Variants in MEI4 observed in about 807,000 individuals in gnomAD.
MEI4 encodes meiosis-specific protein MEI4.
A neutral mutation model predicts 31.4 loss-of-function variants in MEI4; 27 were observed. The observed-to-expected ratio is 0.86, with a 90% CI of 0.63 to 1.19. The LOEUF (loss-of-function observed/expected upper bound fraction) is 1.19, where lower values mean the gene tolerates loss of function less well. MEI4 is among the 50% of genes most tolerant of loss of function. The pLI, the probability that MEI4 is intolerant of heterozygous loss-of-function variation, is 0.00. For synonymous variants in MEI4, 122 were observed against 145.4 expected, an observed-to-expected ratio of 0.84 and a Z score of 1.16; for missense variants, 329 against 398.9, an observed-to-expected ratio of 0.82 and a Z score of 1.49.
intron 2 of MEI4, among the ~76,000 whole-genome samples, chr6:77,709,839 T>C (rs1365443408): frequency 6.6e-6 from 1 of 152,258 alleles, no homozygotes; most frequent in East Asian, 1.9e-4. Flanking sequence ...AAGTTACTTC[T>C]ACCTGTGTAT....
At chr6:77,891,191 C>T (rs1291088434) in intron 4 of MEI4, among the ~76,000 whole-genome samples, 1 of 152,162 alleles carries the variant, frequency 6.6e-6, no homozygotes, top group African/African-American at 2.4e-5. Context: ...TCTTGCAAGA[C>T]TTGGGAAGTT....
intron 4 of MEI4, among the ~76,000 whole-genome samples, chr6:77,829,410 A>G (rs1475021580): frequency 1.3e-5 from 2 of 152,166 alleles, no homozygotes; most frequent in African/African-American, 4.8e-5. Context: ...TTCTAAATGG[A>G]GAGTAGTCCT....
chr6:77,895,030 T>G (rs1468641857), intron 4 of MEI4, among the ~76,000 whole-genome samples: 1 of 152,186 alleles, frequency 6.6e-6, no homozygotes, highest in Non-Finnish European at 1.5e-5. Context: ...TACCATATGT[T>G]TCACCAGCTT....
chr6:77,764,316 AC>A (rs1020633863), intron 3 of MEI4, among the ~76,000 whole-genome samples: 2 of 151,706 alleles, frequency 1.3e-5, no homozygotes, highest in African/African-American at 4.8e-5. Flanking sequence ...CCATTGTAAT[AC>A]CTCCTTTTTG....
At chr6:77,672,830 G>A (rs547039716) in intron 1 of MEI4, among the ~76,000 whole-genome samples, 1 of 152,170 alleles carries the variant, frequency 6.6e-6, no homozygotes, top group African/African-American at 2.4e-5. Flanking sequence ...GAGCCACCAC[G>A]CCCATCCTAC....
At chr6:77,765,612 T>C (rs953741801) in intron 3 of MEI4, among the ~76,000 whole-genome samples, 8 of 129,184 alleles carry the variant, frequency 6.2e-5, no homozygotes, top group Non-Finnish European at 9.3e-5. Flanking sequence ...GTTCAACCAT[T>C]GTGGAAGACA....
intron 2 of MEI4, among the ~76,000 whole-genome samples, chr6:77,727,974 A>T (rs552171968): frequency 2.6e-5 from 4 of 152,344 alleles, no homozygotes; most frequent in African/African-American, 9.6e-5. Flanking sequence ...CAATGCCCAC[A>T]TACAGGCAGA....
intron 3 of MEI4, among the ~76,000 whole-genome samples, chr6:77,773,906 G>GA (rs1768376239): frequency 6.6e-6 from 1 of 152,038 alleles, no homozygotes; most frequent in African/African-American, 2.4e-5. Context: ...ACAGGTATAT[G>GA]AAAAAGTCCT....
intron 2 of MEI4, among the ~76,000 whole-genome samples, chr6:77,714,626 A>G (rs1766539564): frequency 6.6e-6 from 1 of 152,224 alleles, no homozygotes; most frequent in Non-Finnish European, 1.5e-5. Context: ...GATTTACGTG[A>G]TTTAGGAGCT....
intron 2 of MEI4, among the ~76,000 whole-genome samples, chr6:77,745,959 A>G (rs188241948): frequency 6.6e-6 from 1 of 152,204 alleles, no homozygotes; most frequent in African/African-American, 2.4e-5. Context: ...TCTCTGGGAC[A>G]CATTCAAAGC....
chr6:77,821,590 G>T (rs896345488), intron 3 of MEI4, among the ~76,000 whole-genome samples: 1 of 151,922 alleles, frequency 6.6e-6, no homozygotes, highest in Non-Finnish European at 1.5e-5. Context: ...GAGGTCAGGA[G>T]TTCAAGACCT....
intron 3 of MEI4, among the ~76,000 whole-genome samples, chr6:77,767,253 G>T (rs7753042): frequency 1.3e-5 from 2 of 151,694 alleles, no homozygotes; most frequent in Admixed American, 6.6e-5. Flanking sequence ...GGTGGTGTGC[G>T]CCTGTAGTCC....
At chr6:77,892,385 CTA>C (rs1380586279) in intron 4 of MEI4, among the ~76,000 whole-genome samples, 1 of 152,108 alleles carries the variant, frequency 6.6e-6, no homozygotes, top group East Asian at 1.9e-4. Context: ...CAGGGTGATC[CTA>C]TCCCCCACTG....
At chr6:77,810,204 GTGT>G (rs1165397380) in intron 3 of MEI4, among the ~76,000 whole-genome samples, 3 of 152,164 alleles carry the variant, frequency 2.0e-5, no homozygotes, top group African/African-American at 7.2e-5. Flanking sequence ...GTTTTAATGA[GTGT>G]TGAGGTATAT....
intron 2 of MEI4, among the ~76,000 whole-genome samples, chr6:77,697,480 TG>T (rs1237033206): frequency 6.6e-6 from 1 of 152,210 alleles, no homozygotes; most frequent in Non-Finnish European, 1.5e-5. Context: ...TTGTTCTTAT[TG>T]GTTTCAAAGA....
Position 77,759,857 on chromosome 6 carries a change from T to C in MEI4, c.233-1273T>C, listed in dbSNP as rs568814024. 6.6e-5 allele frequency among the ~76,000 whole-genome samples: 10 copies of C among 152,310 alleles called. No homozygotes were observed. In the South Asian group the frequency reaches 2.1e-3, roughly 32 times the overall value. The stretch of plus-strand genomic sequence containing the variant: ...CCTATAGCCAATAGAATGATGAAAT[T>C]AAAATAAGACTATTTCATTTTTCTG... On this transcript the variant is annotated intron_variant, in intron 2 of 4. Transcript: ENST00000684080.
intron 2 of MEI4, among the ~76,000 whole-genome samples, chr6:77,691,668 G>A (rs1769159725): frequency 6.6e-6 from 1 of 152,060 alleles, no homozygotes; most frequent in South Asian, 2.1e-4. Flanking sequence ...GGTCTTGAAT[G>A]TCAACCTAAG....
intron 4 of MEI4, among the ~76,000 whole-genome samples, chr6:77,918,962 A>G (rs1766634218): frequency 6.6e-6 from 1 of 152,072 alleles, no homozygotes; most frequent in Non-Finnish European, 1.5e-5. Flanking sequence ...TAATTTATTG[A>G]GAGTTTTTAG....
intron 3 of MEI4, among the ~76,000 whole-genome samples, chr6:77,792,803 C>T (rs1156525452): frequency 1.3e-5 from 2 of 151,838 alleles, no homozygotes; most frequent in African/African-American, 4.8e-5. Flanking sequence ...AGCTCCAACT[C>T]CTGGGTTCAC....
Sources: allele counts gnomAD v4.1 joint callset (sites outside exome capture counted in the v4.1 genomes callset), GRCh38; gene constraint gnomAD v4.1.1; transcripts MANE v1.5; gene names NCBI Gene and HGNC (gene_info 2026-07-23, HGNC 2026-07-21).